The following KHDRBS2 variants were observed in gnomAD, a reference collection of about 807,000 sequenced individuals.
The protein encoded by KHDRBS2 is KH RNA binding domain containing, signal transduction associated 2, also known as KH domain-containing, RNA-binding, signal transduction-associated protein 2.
Under a neutral mutation model 44.3 loss-of-function variants are expected in KHDRBS2, and 26 were observed. The ratio of observed to expected loss-of-function variants is 0.59; its 90% CI spans 0.43 to 0.81. The LOEUF (loss-of-function observed/expected upper bound fraction) is 0.81. Among genes scored for constraint, KHDRBS2 ranks in the 40% least tolerant of loss-of-function variants. The probability of loss-of-function intolerance (pLI) is 0.00; values close to 1 mark genes in which losing one functional copy is unlikely to be tolerated. For synonymous variants in KHDRBS2, 194 were observed against 151.1 expected (o/e 1.28, Z -2.08); for missense variants, 476 against 433.1 (o/e 1.10, Z -0.88).
the KHDRBS2 span, among the ~76,000 whole-genome samples, chr6:61,573,233 A>G: frequency 1.3e-5 from 2 of 152,208 alleles, no homozygotes; most frequent in African/African-American, 4.8e-5. Flanking sequence ...CTGCAAAAAA[A>G]TAAAATACTT....
intron 3 of KHDRBS2, among the ~76,000 whole-genome samples, chr6:62,006,452 G>A (rs1779246663): frequency 6.6e-6 from 1 of 151,906 alleles, no homozygotes; most frequent in South Asian, 2.1e-4. Context: ...AAAAATGAAG[G>A]TCAGAGCTGA....
chr6:62,156,462 A>T (rs971218697), intron 2 of KHDRBS2, among the ~76,000 whole-genome samples: 4 of 152,222 alleles, frequency 2.6e-5, no homozygotes, highest in Non-Finnish European at 4.4e-5. Flanking sequence ...TATGTTGGTA[A>T]TTAAGTCAAC....
At chr6:61,616,978 T>TC in the KHDRBS2 span, among the ~76,000 whole-genome samples, 1 of 152,198 alleles carries the variant, frequency 6.6e-6, no homozygotes, top group Admixed American at 6.5e-5. Context: ...ACTTTTTTTT[T>TC]CTGTATTCTT....
Position 62,042,863 on chromosome 6 carries a change from A to G in KHDRBS2, c.336+5015T>C, listed in dbSNP as rs140048450. 8.2e-3 allele frequency among the ~76,000 whole-genome samples: 1,255 copies of G among 152,242 alleles called. 10 individuals carry two copies. The highest frequency in any genetic ancestry group is 0.028 in the African/African-American group (1,177 of 41,566). On this transcript the variant is annotated intron_variant, in intron 3 of 8. Transcript: ENST00000281156. ...CTTGAGAAGTATTACACATTTTTCAAATAAAAATCCACCAAACAGCACTGT... is the reference window on the plus strand; with the variant it reads ...CTTGAGAAGTATTACACATTTTTCAGATAAAAATCCACCAAACAGCACTGT...
At chr6:61,855,911 CCTT>C (rs1195549872) in intron 6 of KHDRBS2, among the ~76,000 whole-genome samples, 2 of 151,958 alleles carry the variant, frequency 1.3e-5, no homozygotes, top group Non-Finnish European at 2.9e-5. Flanking sequence ...TCAGCCCACT[CCTT>C]CTGTTTTGGT....
At chr6:61,795,565 A>C (rs754712974) in intron 6 of KHDRBS2, among the ~76,000 whole-genome samples, 3 of 152,142 alleles carry the variant, frequency 2.0e-5, no homozygotes, top group Non-Finnish European at 1.5e-5. Flanking sequence ...CACTAATGTA[A>C]GAAGAAAAGG....
At chr6:61,791,467 T>C (rs1317518357) in intron 6 of KHDRBS2, among the ~76,000 whole-genome samples, 1 of 151,548 alleles carries the variant, frequency 6.6e-6, no homozygotes, top group Non-Finnish European at 1.5e-5. Context: ...TCATAGCCAT[T>C]TGAATTTCTC....
chr6:62,153,400 T>C (rs1185159958), intron 2 of KHDRBS2, among the ~76,000 whole-genome samples: 1 of 152,166 alleles, frequency 6.6e-6, no homozygotes, highest in African/African-American at 2.4e-5. Flanking sequence ...TCATCTCAAA[T>C]AGCAAATGGA....
chr6:62,005,730 G>C (rs2127263624), intron 3 of KHDRBS2, among the ~76,000 whole-genome samples: 1 of 151,596 alleles, frequency 6.6e-6, no homozygotes, highest in East Asian at 1.9e-4. Context: ...TATTTATAAA[G>C]TTCTAACTGT....
intron 6 of KHDRBS2, among the ~76,000 whole-genome samples, chr6:61,828,728 C>G (rs1169267412): frequency 6.6e-6 from 1 of 152,204 alleles, no homozygotes; most frequent in African/African-American, 2.4e-5. Context: ...AAGTATTTAT[C>G]ACACTAAACA....
chr6:62,005,937 C>A (rs890943653), intron 3 of KHDRBS2, among the ~76,000 whole-genome samples: 4 of 151,714 alleles, frequency 2.6e-5, no homozygotes, highest in Admixed American at 1.3e-4. Context: ...ATACCAAATG[C>A]AACACAGAGA....
At chr6:61,669,805 G>A in the KHDRBS2 span, among the ~76,000 whole-genome samples, 1 of 151,010 alleles carries the variant, frequency 6.6e-6, no homozygotes, top group African/African-American at 2.4e-5. Context: ...ACACTCTAGA[G>A]TGTGTACTAT....
chr6:62,114,485 T>C (rs555149889), intron 2 of KHDRBS2, among the ~76,000 whole-genome samples: 26 of 152,204 alleles, frequency 1.7e-4, no homozygotes, highest in African/African-American at 6.0e-4. Flanking sequence ...CAGAATGATA[T>C]CAATTATAAG....
chr6:61,664,002 T>C, the KHDRBS2 span, among the ~76,000 whole-genome samples: 17 of 151,792 alleles, frequency 1.1e-4, no homozygotes, highest in Admixed American at 2.0e-4. Context: ...TGCCTTGTAA[T>C]TGAAAATCAA....
At chr6:61,808,559 T>G (rs1191102903) in intron 6 of KHDRBS2, among the ~76,000 whole-genome samples, 2 of 152,116 alleles carry the variant, frequency 1.3e-5, no homozygotes, top group African/African-American at 4.8e-5. Flanking sequence ...TTCTCCTAAA[T>G]ATAACTCTAA....
the KHDRBS2 span, among the ~76,000 whole-genome samples, chr6:61,627,107 G>A: frequency 6.6e-6 from 1 of 151,286 alleles, no homozygotes; most frequent in Non-Finnish European, 1.5e-5. Flanking sequence ...CAAAAAATTA[G>A]CCGGGCGTGG....
At chr6:62,141,017 T>C (rs1177180286) in intron 2 of KHDRBS2, among the ~76,000 whole-genome samples, 2 of 152,096 alleles carry the variant, frequency 1.3e-5, no homozygotes, top group Admixed American at 1.3e-4. Flanking sequence ...CATTAAGGGG[T>C]GTTTGGAAAT....
At chr6:61,565,504 A>G in the KHDRBS2 span, among the ~76,000 whole-genome samples, 1 of 152,160 alleles carries the variant, frequency 6.6e-6, no homozygotes, top group African/African-American at 2.4e-5. Context: ...AATGGGCAAA[A>G]GGTCTAAATA....
At chr6:62,046,121 G>C (rs1235724319) in intron 3 of KHDRBS2, among the ~76,000 whole-genome samples, 3 of 151,794 alleles carry the variant, frequency 2.0e-5, no homozygotes, top group Non-Finnish European at 4.4e-5. Flanking sequence ...AGAGTAATAA[G>C]AAACTGAATT....
Sources: gnomAD v4.1 joint callset for allele counts (sites outside exome capture counted in the v4.1 genomes callset) on GRCh38, gnomAD v4.1.1 for gene constraint, MANE v1.5 for transcripts, NCBI Gene and HGNC (gene_info 2026-07-23, HGNC 2026-07-21) for gene names.